Variants in KLF5 observed in about 807,000 individuals in gnomAD.
KLF5 encodes the protein Krueppel-like factor 5.
In KLF5, 9 loss-of-function variants were observed where a neutral mutation model predicts 36.9. That is an observed-to-expected ratio of 0.24 (90% CI 0.15 to 0.43). KLF5 has a LOEUF of 0.43. Ranked by LOEUF, KLF5 falls within the 20% of genes least tolerant of loss-of-function variation. The probability of loss-of-function intolerance (pLI) is 1.00; values close to 1 mark genes in which losing one functional copy is unlikely to be tolerated. For missense variants in KLF5, 524 were observed against 599.5 expected (o/e 0.87, Z 1.31); for synonymous variants, 246 against 241.7 (o/e 1.02, Z -0.17).
chr13:73,059,315 C>G lies in KLF5; in HGVS notation c.-13C>G. 7.3e-7 allele frequency: 1 copy of G among 1,363,866 alleles called. No individual in the cohort carries two copies. 84.5% of individuals were successfully genotyped at this position (1,363,866 alleles called of 1,614,324 possible). On this transcript the variant is annotated 5_prime_UTR_variant, in exon 1 of 4. Coordinates refer to ENST00000377687, the MANE Select transcript of KLF5 (RefSeq NM_001730.5). Reference sequence around the variant, plus strand: ...CGCCCGACCCGCGCCTGGAGCTGCGCCCCCGAGTGCCCATGGCTACAAGGG... The same window carrying G: ...CGCCCGACCCGCGCCTGGAGCTGCGGCCCCGAGTGCCCATGGCTACAAGGG...
chr13:73,055,405 A>G (rs1033225805), upstream of KLF5, among the ~76,000 whole-genome samples: 13 of 152,220 alleles, frequency 8.5e-5, no homozygotes, highest in Non-Finnish European at 1.9e-4. Context: ...AGAAGTATTT[A>G]GTCTTATTTA....
chr13:73,066,029 T>G (rs1285172248), intron 3 of KLF5, among the ~76,000 whole-genome samples: 1 of 152,188 alleles, frequency 6.6e-6, no homozygotes, highest in Non-Finnish European at 1.5e-5. Context: ...TTGCATCAGC[T>G]TTTTCACCTG....
intron 3 of KLF5, 74 bp downstream of exon 3, chr13:73,063,957 A>C: frequency 1.2e-6 from 1 of 868,990 alleles, no homozygotes; most frequent in Non-Finnish European, 1.9e-6. Flanking sequence ...AAAAGCTAAC[A>C]CGTGTTTGAT....
At chr13:73,064,987 C>T (rs1228159652) in intron 3 of KLF5, among the ~76,000 whole-genome samples, 3 of 152,188 alleles carry the variant, frequency 2.0e-5, no homozygotes, top group Admixed American at 6.5e-5. Flanking sequence ...CTTAAAAGAG[C>T]AGCCCTAAAG....
intron 3 of KLF5, 121 bp downstream of exon 3, chr13:73,064,004 T>A (rs963747664): frequency 8.1e-5 from 48 of 589,332 alleles, no homozygotes; most frequent in East Asian, 1.2e-4. Context: ...TTTTTTTTTT[T>A]AAATAGCCTA....
chr13:73,063,983 CTTTGTTTTTTT>C, intron 3 of KLF5, 100 bp downstream of exon 3: 1 of 351,436 alleles, frequency 2.8e-6, no homozygotes, highest in Non-Finnish European at 5.0e-6. Context: ...CTCCTGTCAA[CTTTGTTTTTTT>C]TTTTTTTTTT....
At chr13:73,056,174 T>A (rs549763284), upstream of KLF5, among the ~76,000 whole-genome samples, 32 of 152,260 alleles carry the variant, frequency 2.1e-4, no homozygotes, top group East Asian at 5.8e-3. Context: ...TATGGTTTAT[T>A]CTAAGACTAA....
chr13:73,062,070 C>G lies in KLF5; in HGVS notation c.471C>G (p.Cys157Trp), dbSNP rs748796375. 1 of 1,613,968 alleles carries G rather than the reference C, an allele frequency of 6.2e-7. No homozygotes were observed. The highest frequency in any genetic ancestry group is 1.3e-5 in the African/African-American group (1 of 74,906). Residue 157 changes from cysteine to tryptophan, a missense_variant, in exon 2 of 4, where the codon TGC (cysteine) becomes TGG (tryptophan). Transcript: ENST00000377687. ...RTGLYKSQRP[C>W]VTHIKTEPVA... ...GCCTCTACAAATCCCAGAGACCGTG[C>G]GTAACACACATCAAGACAGAACCTG...
At chr13:73,059,766 A>C in intron 1 of KLF5, 178 bp downstream of exon 1, 7 of 460,168 alleles carry the variant, frequency 1.5e-5, no homozygotes, top group Non-Finnish European at 1.8e-5. Context: ...CGTTTCGCTG[A>C]GAGTAAATGG....
intron 3 of KLF5, among the ~76,000 whole-genome samples, chr13:73,068,768 T>A (rs1394238709): frequency 6.6e-6 from 1 of 151,282 alleles, no homozygotes; most frequent in Non-Finnish European, 1.5e-5. Context: ...TTTCATGGAA[T>A]ATATTAAACA....
At chr13:73,068,886 A>G (rs901739978) in intron 3 of KLF5, among the ~76,000 whole-genome samples, 1 of 152,002 alleles carries the variant, frequency 6.6e-6, no homozygotes, top group African/African-American at 2.4e-5. Flanking sequence ...ACCTGAGTTC[A>G]GGGGTTCGAG....
At chr13:73,070,914 T>G (rs934923666) in intron 3 of KLF5, among the ~76,000 whole-genome samples, 4 of 152,218 alleles carry the variant, frequency 2.6e-5, no homozygotes, top group African/African-American at 7.2e-5. Context: ...GCAAAAGCCC[T>G]GCTGCAGGAG....
intron 3 of KLF5, among the ~76,000 whole-genome samples, chr13:73,069,124 A>T (rs539418213): frequency 6.6e-6 from 1 of 152,156 alleles, no homozygotes; most frequent in Non-Finnish European, 1.5e-5. Context: ...AAAATAAAAA[A>T]TCGATAATAT....
intron 1 of KLF5, among the ~76,000 whole-genome samples, chr13:73,060,999 T>TGTA (rs1478355264): frequency 6.6e-6 from 1 of 152,120 alleles, no homozygotes; most frequent in Non-Finnish European, 1.5e-5. Flanking sequence ...TAGGGGGGAA[T>TGTA]GTAGCATTGG....
chr13:73,059,912 A>G (rs2044619796), intron 1 of KLF5: 1 of 529,316 alleles, frequency 1.9e-6, no homozygotes, highest in South Asian at 8.1e-5. Flanking sequence ...GAAACCTTGT[A>G]CCTTACGCTC....
At position 73,075,940 on chromosome 13, in the gene KLF5, C is replaced by G. The variant is rs1409078936; in HGVS notation, c.*54C>G. 6 of 1,358,788 alleles carry G rather than the reference C, an allele frequency of 4.4e-6. No homozygotes were observed. The highest frequency in any genetic ancestry group is 1.5e-5 in the African/African-American group (1 of 67,082). The allele number at this position is 1,358,788 out of a possible 1,614,324, so 84.2% of individuals were successfully genotyped here. ...CCCTGGGCTCCCTCAAATGACAGAC[C>G]TAACTATTCCTGTGTAAAAACAACA... On this transcript the variant is annotated 3_prime_UTR_variant, in exon 4 of 4. Coordinates refer to ENST00000377687, the MANE Select transcript of KLF5 (RefSeq NM_001730.5).
intron 3 of KLF5, among the ~76,000 whole-genome samples, chr13:73,069,840 C>T (rs1290327273): frequency 6.6e-6 from 1 of 152,136 alleles, no homozygotes. Context: ...TCTCTTCTTG[C>T]CCTTTTGTTC....
chr13:73,063,912 G>A (rs763438485), intron 3 of KLF5, 29 bp downstream of exon 3: 13 of 1,431,936 alleles, frequency 9.1e-6, no homozygotes, highest in Non-Finnish European at 1.3e-5. Context: ...AATTCTGTGA[G>A]TTGTGTAAAT....
chr13:73,069,294 G>T (rs1426283082), intron 3 of KLF5, among the ~76,000 whole-genome samples: 1 of 152,158 alleles, frequency 6.6e-6, no homozygotes. Flanking sequence ...AATGGATGGA[G>T]ATCTTACAAT....
Sources: allele counts gnomAD v4.1 joint callset (sites outside exome capture counted in the v4.1 genomes callset), GRCh38; gene constraint gnomAD v4.1.1; transcripts MANE v1.5; gene names NCBI Gene and HGNC (gene_info 2026-07-23, HGNC 2026-07-21).